Variants in CORO2B observed in about 807,000 individuals in gnomAD.
CORO2B encodes the protein coronin 2B.
CORO2B carries 26 observed loss-of-function variants against 58.8 expected under a neutral mutation model. That is an observed-to-expected ratio of 0.44 (90% CI 0.32 to 0.61). The LOEUF is 0.61. CORO2B is among the 20% of genes least tolerant of loss of function. CORO2B has a pLI of 0.04. For missense variants in CORO2B, 460 were observed against 645.1 expected (o/e 0.71, Z 3.11); for synonymous variants, 242 against 253.8 (o/e 0.95, Z 0.44).
At chr15:68,564,480 T>C in the CORO2B span, among the ~76,000 whole-genome samples, 3 of 152,092 alleles carry the variant, frequency 2.0e-5, no homozygotes, top group African/African-American at 7.2e-5. Flanking sequence ...ATTTATTTTA[T>C]TTTATTTTTT....
chr15:68,553,588 T>A, the CORO2B span, among the ~76,000 whole-genome samples: 9 of 152,040 alleles, frequency 5.9e-5, no homozygotes, highest in Admixed American at 5.9e-4. Context: ...TGTAGGAGAG[T>A]AAGTTTGTGC....
intron 3 of CORO2B, among the ~76,000 whole-genome samples, chr15:68,698,620 GAGGGATCTGGTAGACCT>G (rs1892569575): frequency 2.6e-5 from 4 of 152,214 alleles, no homozygotes; most frequent in Non-Finnish European, 5.9e-5. Flanking sequence ...GGGGTCCAAA[GAGGGATCTGGTAGACCT>G]GGGCTGGAAT....
chr15:68,679,336 C>T (rs1902697747), intron 2 of CORO2B, among the ~76,000 whole-genome samples: 1 of 152,196 alleles, frequency 6.6e-6, no homozygotes, highest in Non-Finnish European at 1.5e-5. Flanking sequence ...CAGACACTTT[C>T]TGAGCACATG....
chr15:68,594,476 C>A (rs1241635678), intron 1 of CORO2B, among the ~76,000 whole-genome samples: 1 of 152,214 alleles, frequency 6.6e-6, no homozygotes, highest in Non-Finnish European at 1.5e-5. Context: ...TATCTTGTAT[C>A]TCCCATGGCC....
At chr15:68,719,597 G>C in intron 11 of CORO2B, 45 bp downstream of exon 11, 1 of 1,570,032 alleles carries the variant, frequency 6.4e-7, no homozygotes, top group African/African-American at 1.4e-5. Flanking sequence ...GGAAGAGCAA[G>C]ACCTTTACAT....
chr15:68,696,573 A>AAAAAG (rs1892518005), intron 3 of CORO2B, among the ~76,000 whole-genome samples: 4 of 151,508 alleles, frequency 2.6e-5, no homozygotes, highest in Admixed American at 1.3e-4. Flanking sequence ...AAAAAAAAAA[A>AAAAAG]AGAATCCAGG....
At chr15:68,674,193 A>T (rs74366374) in intron 2 of CORO2B, among the ~76,000 whole-genome samples, 5,180 of 152,242 alleles carry the variant, frequency 0.034, 139 homozygotes, top group Non-Finnish European at 0.052. Context: ...TGCTGGTGGA[A>T]TGCTGGTAGC....
chr15:68,629,096 T>G (rs906370011), intron 1 of CORO2B, among the ~76,000 whole-genome samples: 2 of 152,204 alleles, frequency 1.3e-5, no homozygotes, highest in Non-Finnish European at 2.9e-5. Context: ...GGGGGAGCCA[T>G]GGGATCATGC....
chr15:68,524,086 T>A, the CORO2B span, among the ~76,000 whole-genome samples: 1 of 151,264 alleles, frequency 6.6e-6, no homozygotes, highest in Non-Finnish European at 1.5e-5. Flanking sequence ...ATTAGCTGAG[T>A]GTGGTGGTGC....
the CORO2B span, among the ~76,000 whole-genome samples, chr15:68,563,898 G>T: frequency 2.0e-5 from 3 of 152,154 alleles, no homozygotes; most frequent in Non-Finnish European, 4.4e-5. Flanking sequence ...AAAGGTCCAG[G>T]ACCAGAAGGC....
intron 1 of CORO2B, among the ~76,000 whole-genome samples, chr15:68,600,166 T>A (rs1899945614): frequency 5.3e-5 from 8 of 152,210 alleles, no homozygotes; most frequent in Admixed American, 2.0e-4. Flanking sequence ...CAAACAAGCC[T>A]CCATCTAAAA....
chr15:68,691,262 A>G (rs188224659), intron 2 of CORO2B, among the ~76,000 whole-genome samples: 35,396 of 143,712 alleles, frequency 0.25, 4,520 homozygotes, highest in African/African-American at 0.29. Context: ...CCCGGGGGGC[A>G]GAGCTTGCAG....
chr15:68,562,481 G>A, the CORO2B span, among the ~76,000 whole-genome samples: 1 of 152,162 alleles, frequency 6.6e-6, no homozygotes, highest in Non-Finnish European at 1.5e-5. Context: ...TATTGGAATA[G>A]GGTTCTCAGA....
intron 1 of CORO2B, among the ~76,000 whole-genome samples, chr15:68,636,501 G>A (rs1901036803): frequency 1.3e-5 from 2 of 152,162 alleles, no homozygotes; most frequent in African/African-American, 4.8e-5. Flanking sequence ...TTCCCACTTG[G>A]CTTAGATCCA....
At chr15:68,569,655 G>C in the CORO2B span, among the ~76,000 whole-genome samples, 3 of 152,214 alleles carry the variant, frequency 2.0e-5, no homozygotes, top group Non-Finnish European at 2.9e-5. Context: ...GTAAACTCCA[G>C]GGAGAACGAT....
chr15:68,717,982 T>C (rs1370781604), intron 8 of CORO2B, among the ~76,000 whole-genome samples: 1 of 151,860 alleles, frequency 6.6e-6, no homozygotes, highest in African/African-American at 2.4e-5. Flanking sequence ...GCTCAGAGAG[T>C]TGTAACTTGC....
the CORO2B span, among the ~76,000 whole-genome samples, chr15:68,531,500 A>AAAGGAAGG: frequency 7.6e-4 from 87 of 113,852 alleles, no homozygotes; most frequent in African/African-American, 1.4e-3. Context: ...GTATCTCAAA[A>AAAGGAAGG]AAGGAAGGAA....
chr15:68,570,709 AG>A, the CORO2B span, among the ~76,000 whole-genome samples: 1 of 149,796 alleles, frequency 6.7e-6, no homozygotes, highest in South Asian at 2.2e-4. Flanking sequence ...TATTTCCCTT[AG>A]GGAAGGAAAG....
intron 1 of CORO2B, among the ~76,000 whole-genome samples, chr15:68,642,730 G>A (rs1000810846): frequency 8.5e-5 from 13 of 152,208 alleles, no homozygotes; most frequent in African/African-American, 3.1e-4. Flanking sequence ...CTCTAGACTA[G>A]GAGCCCAGGG....
Sources: allele counts gnomAD v4.1 joint callset (sites outside exome capture counted in the v4.1 genomes callset), GRCh38; gene constraint gnomAD v4.1.1; transcripts MANE v1.5; gene names NCBI Gene and HGNC (gene_info 2026-07-23, HGNC 2026-07-21).